PDE7A: variants seen among roughly 807,000 people sequenced by gnomAD.
PDE7A encodes phosphodiesterase 7A.
Under a neutral mutation model 64.3 loss-of-function variants are expected in PDE7A, and 39 were observed. The observed-to-expected ratio is 0.61, with a 90% confidence interval of 0.47 to 0.79. PDE7A has a LOEUF of 0.79. Among genes scored for constraint, PDE7A ranks in the 30% least tolerant of loss-of-function variants. The pLI is 0.00. For synonymous variants in PDE7A, 203 were observed against 206.8 expected (o/e 0.98, Z 0.16); for missense variants, 470 against 582.8 (o/e 0.81, Z 1.99).
At chr8:65,761,100 C>A (rs1808472767) in intron 3 of PDE7A, among the ~76,000 whole-genome samples, 1 of 151,266 alleles carries the variant, frequency 6.6e-6, no homozygotes, top group Non-Finnish European at 1.5e-5. Context: ...CGCCCTGTGG[C>A]GTAGGCTAGA....
intron 3 of PDE7A, among the ~76,000 whole-genome samples, chr8:65,762,524 A>G (rs1808552125): frequency 6.6e-6 from 1 of 152,192 alleles, no homozygotes; most frequent in Admixed American, 6.5e-5. Context: ...GTTCTGTGAC[A>G]TTAAACAGGT....
At chr8:65,775,605 G>A (rs141046329) in intron 3 of PDE7A, among the ~76,000 whole-genome samples, 105 of 152,212 alleles carry the variant, frequency 6.9e-4, no homozygotes, top group African/African-American at 2.3e-3. Context: ...GTGATCCTAC[G>A]TCCTCTGTCA....
At chr8:65,764,826 T>G (rs959593158) in intron 3 of PDE7A, among the ~76,000 whole-genome samples, 1 of 151,978 alleles carries the variant, frequency 6.6e-6, no homozygotes, top group African/African-American at 2.4e-5. Context: ...TAAGCGAAAT[T>G]TAGGGAAAAT....
At chr8:65,813,473 G>A (rs1348234658) in intron 1 of PDE7A, among the ~76,000 whole-genome samples, 1 of 152,118 alleles carries the variant, frequency 6.6e-6, no homozygotes, top group Non-Finnish European at 1.5e-5. Context: ...AGACCATTTA[G>A]TGAATCTTCT....
chr8:65,731,744 CAT>C (rs1291739079), intron 7 of PDE7A: 2 of 152,052 alleles, frequency 1.3e-5, no homozygotes, highest in African/African-American at 2.4e-5. Flanking sequence ...TTTTTTTCCA[CAT>C]AGACAAGAGT....
At chr8:65,772,573 T>C (rs973886033) in intron 3 of PDE7A, among the ~76,000 whole-genome samples, 13 of 152,130 alleles carry the variant, frequency 8.5e-5, no homozygotes, top group African/African-American at 2.7e-4. Flanking sequence ...TACTGATATC[T>C]TCAACTAGTG....
intron 7 of PDE7A, among the ~76,000 whole-genome samples, chr8:65,730,186 T>C (rs1234856353): frequency 3.7e-5 from 5 of 135,876 alleles, no homozygotes; most frequent in South Asian, 2.5e-4. Flanking sequence ...TTTTTTTTTT[T>C]TTTTTTTTTT....
chr8:65,756,948 T>C (rs1808263892), intron 3 of PDE7A, among the ~76,000 whole-genome samples: 1 of 152,018 alleles, frequency 6.6e-6, no homozygotes, highest in African/African-American at 2.4e-5. Flanking sequence ...AGGAAACAGA[T>C]AAAGGGATGT....
chr8:65,805,900 T>C (rs928878193), intron 1 of PDE7A, among the ~76,000 whole-genome samples: 2 of 152,238 alleles, frequency 1.3e-5, no homozygotes, highest in African/African-American at 2.4e-5. Context: ...TTAAAACTTA[T>C]ATGAGTCTTT....
At chr8:65,788,609 A>G (rs1809621843) in intron 1 of PDE7A, among the ~76,000 whole-genome samples, 1 of 152,218 alleles carries the variant, frequency 6.6e-6, no homozygotes, top group African/African-American at 2.4e-5. Context: ...TTCTTTAGTC[A>G]TAAAAACTTC....
At chr8:65,813,231 A>C (rs999869380) in intron 1 of PDE7A, among the ~76,000 whole-genome samples, 3 of 152,236 alleles carry the variant, frequency 2.0e-5, no homozygotes, top group Non-Finnish European at 4.4e-5. Context: ...TACCACTTCT[A>C]GAAATGAATG....
chr8:65,719,185 C>CA lies in PDE7A; in HGVS notation c.*104dup. Reference sequence around the variant, plus strand: ...ATAAATAATGCTGGCTGGCATCACTCACTTGGAAACCTTGGCAGTCAAGAG... The same window carrying CA: ...ATAAATAATGCTGGCTGGCATCACTCAACTTGGAAACCTTGGCAGTCAAGAG... On this transcript the variant is annotated 3_prime_UTR_variant, in exon 13 of 13. Coordinates refer to ENST00000401827, the MANE Select transcript of PDE7A (RefSeq NM_001242318.3). 2.7e-6 allele frequency: 2 copies of CA among 735,740 alleles called. No homozygotes were observed. The highest frequency in any genetic ancestry group is 3.2e-5 in the South Asian group (2 of 62,170). The allele number at this position is 735,740 out of a possible 1,614,324, so 45.6% of individuals were successfully genotyped here. A position where few individuals can be genotyped will look rare whatever the true frequency, so the allele number is the denominator to read the frequency against.
intron 1 of PDE7A, among the ~76,000 whole-genome samples, chr8:65,798,206 A>ATATATATATATATATATATATAT: frequency 1.4e-5 from 1 of 73,810 alleles, no homozygotes; most frequent in African/African-American, 5.8e-5. Flanking sequence ...ATATATATAT[A>ATATATATATATATATATATATAT]TTTTTTTTTT....
intron 1 of PDE7A, among the ~76,000 whole-genome samples, chr8:65,796,588 G>GA (rs757697330): frequency 5.3e-5 from 8 of 152,104 alleles, no homozygotes; most frequent in Non-Finnish European, 1.0e-4. Flanking sequence ...ACAGAATTAA[G>GA]AAAAATCATA....
At position 65,719,278 on chromosome 8, in the gene PDE7A, T is replaced by A. The variant is rs372490482; in HGVS notation, c.*12A>T. 92 of 1,600,678 alleles carry A rather than the reference T, an allele frequency of 5.7e-5. No homozygotes were observed. Among genetic ancestry groups the A allele is most frequent in the Non-Finnish European group, 7.4e-5 (87 of 1,167,864 alleles). ...ACCTCCAGGAGGCAGTTTGTCCCACTGGTTCTGGGGGTTATGATAACCGAT... is the reference window on the plus strand; with the variant it reads ...ACCTCCAGGAGGCAGTTTGTCCCACAGGTTCTGGGGGTTATGATAACCGAT... On this transcript the variant is annotated 3_prime_UTR_variant, in exon 13 of 13. Coordinates refer to ENST00000401827, the MANE Select transcript of PDE7A (RefSeq NM_001242318.3).
intron 1 of PDE7A, among the ~76,000 whole-genome samples, chr8:65,799,845 T>C (rs1010193728): frequency 5.9e-5 from 9 of 152,208 alleles, no homozygotes; most frequent in African/African-American, 2.2e-4. Flanking sequence ...AGAAAAGGAC[T>C]GGGAGGGCCA....
chr8:65,816,888 GAGA>G (rs1810418266), intron 1 of PDE7A, among the ~76,000 whole-genome samples: 1 of 152,184 alleles, frequency 6.6e-6, no homozygotes, highest in African/African-American at 2.4e-5. Flanking sequence ...CATCAAATAT[GAGA>G]AGTTGTCCAA....
intron 3 of PDE7A, among the ~76,000 whole-genome samples, chr8:65,748,097 GT>G (rs199665356): frequency 1.9e-4 from 27 of 142,504 alleles, no homozygotes; most frequent in African/African-American, 2.8e-4. Context: ...ATCACGGTTT[GT>G]TTTTTTTTTT....
At chr8:65,766,972 T>C (rs886759500) in intron 3 of PDE7A, among the ~76,000 whole-genome samples, 4 of 151,506 alleles carry the variant, frequency 2.6e-5, no homozygotes, top group African/African-American at 7.3e-5. Flanking sequence ...TCAGTTTAAA[T>C]ATTTGTCAGA....
Sources: allele counts gnomAD v4.1 joint callset (sites outside exome capture counted in the v4.1 genomes callset), GRCh38; gene constraint gnomAD v4.1.1; transcripts MANE v1.5; gene names NCBI Gene and HGNC (gene_info 2026-07-23, HGNC 2026-07-21).